TRPS1: variants seen among roughly 807,000 people sequenced by gnomAD.
TRPS1 encodes the protein transcriptional repressor GATA binding 1.
TRPS1 carries 6 observed loss-of-function variants against 101.2 expected under a neutral mutation model. The ratio of observed to expected loss-of-function variants is 0.06; its 90% CI spans 0.03 to 0.12. The LOEUF (loss-of-function observed/expected upper bound fraction) is 0.12, where lower values mean the gene tolerates loss of function less well. TRPS1 is among the 10% of genes least tolerant of loss of function. The pLI, the probability that TRPS1 is intolerant of heterozygous loss-of-function variation, is 1.00. For synonymous variants in TRPS1, 578 were observed against 589.8 expected (o/e 0.98, Z 0.29); for missense variants, 1,363 against 1,567.0 (o/e 0.87, Z 2.20).
intron 5 of TRPS1, among the ~76,000 whole-genome samples, chr8:115,459,381 T>G (rs966640071): frequency 3.3e-5 from 5 of 152,080 alleles, no homozygotes; most frequent in Admixed American, 6.6e-5. Context: ...CCAAGTCATA[T>G]TTAAAGACAG....
intron 5 of TRPS1, among the ~76,000 whole-genome samples, chr8:115,500,371 G>A (rs1181783655): frequency 4.6e-5 from 7 of 152,050 alleles, no homozygotes; most frequent in African/African-American, 1.2e-4. Context: ...TTCGTATGTC[G>A]TTACAAAACA....
At chr8:115,535,125 T>G (rs1816253641) in intron 5 of TRPS1, among the ~76,000 whole-genome samples, 1 of 147,898 alleles carries the variant, frequency 6.8e-6, no homozygotes, top group Non-Finnish European at 1.5e-5. Flanking sequence ...CGCATATGTA[T>G]AGCATATATA....
intron 4 of TRPS1, among the ~76,000 whole-genome samples, chr8:115,589,298 A>C (rs546088783): frequency 6.6e-6 from 1 of 152,320 alleles, no homozygotes; most frequent in African/African-American, 2.4e-5. Flanking sequence ...GCTCAAATGC[A>C]TGTTTTAATT....
chr8:115,512,472 G>C (rs1316837810), intron 5 of TRPS1, among the ~76,000 whole-genome samples: 1 of 151,306 alleles, frequency 6.6e-6, no homozygotes, highest in African/African-American at 2.4e-5. Context: ...AGAAATAACT[G>C]TATCATTCTT....
chr8:115,641,030 T>C (rs1818883521), intron 1 of TRPS1, among the ~76,000 whole-genome samples: 2 of 152,202 alleles, frequency 1.3e-5, no homozygotes, highest in Admixed American at 6.5e-5. Flanking sequence ...GATTCATATG[T>C]ATCTGGTTTT....
chr8:115,470,288 C>A (rs994308647), intron 5 of TRPS1, among the ~76,000 whole-genome samples: 1 of 152,080 alleles, frequency 6.6e-6, no homozygotes, highest in Non-Finnish European at 1.5e-5. Flanking sequence ...ATGCAATGCA[C>A]AATCAAAATA....
intron 5 of TRPS1, among the ~76,000 whole-genome samples, chr8:115,514,379 T>C (rs1453416913): frequency 1.3e-5 from 2 of 151,718 alleles, no homozygotes; most frequent in Non-Finnish European, 3.0e-5. Flanking sequence ...GTGTAATGTT[T>C]CATAATCACT....
At position 115,604,675 on chromosome 8, in the gene TRPS1, G is replaced by A. The variant is rs758274296; in HGVS notation, c.1294C>T (p.Pro432Ser). ...TPVGYSVPIK[P>S]LDSSRQNGTE... ...CCATTTTGTCTAGAGGAATCGAGGGGCTTTATGGGCACTGAGTACCCAACA... is the reference window on the plus strand; with the variant it reads ...CCATTTTGTCTAGAGGAATCGAGGGACTTTATGGGCACTGAGTACCCAACA... The change falls in exon 4 of 7, where the codon CCC becomes TCC. Residue 432 changes from proline to serine, a missense_variant. By Grantham distance (74) the Pro-to-Ser change is moderately conservative. Transcript: ENST00000395715. This position sits in a 1 kb window ranked among gnomAD's most constrained non-coding sequence, Gnocchi z 4.1. The A allele has an allele frequency of 3.1e-6, 5 of 1,613,810 alleles. No homozygotes were observed. In the African/African-American group the frequency reaches 5.3e-5, roughly 17 times the overall value.
At chr8:115,416,560 CAT>C (rs1002516564) in intron 6 of TRPS1, among the ~76,000 whole-genome samples, 1 of 147,462 alleles carries the variant, frequency 6.8e-6, no homozygotes, top group Non-Finnish European at 1.5e-5. Context: ...TATTCATAAA[CAT>C]GTTATAATAA....
intron 5 of TRPS1, among the ~76,000 whole-genome samples, chr8:115,452,748 A>T (rs1278846396): frequency 6.6e-6 from 1 of 152,192 alleles, no homozygotes; most frequent in African/African-American, 2.4e-5. Context: ...TATATAAATG[A>T]GATGACATTA....
chr8:115,514,675 C>T (rs1200527431), intron 5 of TRPS1, among the ~76,000 whole-genome samples: 5 of 151,384 alleles, frequency 3.3e-5, no homozygotes, highest in African/African-American at 4.8e-5. Flanking sequence ...ATACTGATTC[C>T]ATTTCTCATT....
rs1191089320 is a variant in TRPS1 at position 115,410,144 on chromosome 8, G to GTT, written c.*3877_*3878dup. ...GTCTCAAGACCGGTCACTTTGTGAT[G>GTT]TTTTGCAGCCACACAACAGGAGGCT... On this transcript the variant is annotated 3_prime_UTR_variant, in exon 7 of 7. Coordinates refer to ENST00000395715, the MANE Select transcript of TRPS1 (RefSeq NM_014112.5). 1 of 152,072 alleles carries GTT rather than the reference G, an allele frequency of 6.6e-6. No individual in the cohort carries two copies. The highest frequency in any genetic ancestry group is 6.6e-5 in the Admixed American group (1 of 15,222). The allele number at this position is 152,072 out of a possible 1,614,324, so 9.4% of individuals were successfully genotyped here. A position where few individuals can be genotyped will look rare whatever the true frequency, so the allele number is the denominator to read the frequency against.
intron 5 of TRPS1, among the ~76,000 whole-genome samples, chr8:115,437,207 A>T (rs976547372): frequency 2.6e-5 from 4 of 152,228 alleles, no homozygotes; most frequent in Non-Finnish European, 4.4e-5. Flanking sequence ...CACTATGAGG[A>T]AGTAGTATAA....
intron 1 of TRPS1, among the ~76,000 whole-genome samples, chr8:115,649,785 T>C (rs1811517400): frequency 6.6e-6 from 1 of 152,180 alleles, no homozygotes; most frequent in Non-Finnish European, 1.5e-5. Flanking sequence ...TGTTCACAAG[T>C]GAAAACACTA....
chr8:115,463,573 G>A (rs1814243922), intron 5 of TRPS1, among the ~76,000 whole-genome samples: 1 of 152,064 alleles, frequency 6.6e-6, no homozygotes, highest in African/African-American at 2.4e-5. Flanking sequence ...GTGAGTGTAT[G>A]AAACCAAATA....
intron 5 of TRPS1, among the ~76,000 whole-genome samples, chr8:115,494,149 C>A (rs996696393): frequency 4.6e-5 from 7 of 152,184 alleles, no homozygotes; most frequent in Non-Finnish European, 1.0e-4. Context: ...AATTTTCTCC[C>A]ATGGCTTGAA....
chr8:115,619,220 T>A lies in TRPS1; in HGVS notation c.878A>T (p.Gln293Leu), dbSNP rs1285617541. The part of the protein sequence containing the change: ...MVQFSHSKDF[Q>L]KVNRSVFSGV... The stretch of plus-strand genomic sequence containing the variant: ...AGAAAACACAGAACGGTTGACCTTC[T>A]GGAAGTCTTTGGAATGGCTGAACTG... The change falls in exon 3 of 7, where the codon CAG becomes CTG. Residue 293 changes from glutamine to leucine, a missense_variant. Physicochemically the swap from Gln to Leu is moderately radical, Grantham distance 113. This residue lies in a region of TRPS1 where 1,020 missense variants were observed against 1,073.0 expected (regional missense o/e 0.95). Transcript: ENST00000395715. The A allele has an allele frequency of 6.2e-7, 1 of 1,614,164 alleles. No homozygotes were observed. Among genetic ancestry groups the A allele is most frequent in the Non-Finnish European group, 8.5e-7 (1 of 1,180,024 alleles).
chr8:115,609,258 T>C (rs1404501054), intron 3 of TRPS1, among the ~76,000 whole-genome samples: 2 of 152,128 alleles, frequency 1.3e-5, no homozygotes, highest in African/African-American at 2.4e-5. Context: ...TTCAAGTAAA[T>C]TTTTCCTGCA....
At chr8:115,415,170 T>C (rs1453780964) in intron 6 of TRPS1, 86 bp from the exon 7 acceptor site, 1 of 1,385,382 alleles carries the variant, frequency 7.2e-7, no homozygotes, top group South Asian at 1.4e-5. Context: ...ATATAAACCA[T>C]GCTTAAGTTC....
Sources: gnomAD v4.1 joint callset for allele counts (sites outside exome capture counted in the v4.1 genomes callset) on GRCh38, gnomAD v4.1.1 for gene constraint, gnomAD v4.1.1 regional missense constraint, Gnocchi (gnomAD v3.1) non-coding constraint, MANE v1.5 for transcripts, NCBI Gene and HGNC (gene_info 2026-07-23, HGNC 2026-07-21) for gene names.